Variants in LINGO2 observed in about 807,000 individuals in gnomAD.
The protein encoded by LINGO2 is leucine-rich repeat and immunoglobulin-like domain-containing nogo receptor-interacting protein 2.
In LINGO2, 14 loss-of-function variants were observed where a neutral mutation model predicts 30.6. The observed-to-expected ratio is 0.46, with a 90% CI of 0.30 to 0.72. The LOEUF is 0.72. Among genes scored for constraint, LINGO2 ranks in the 30% least tolerant of loss-of-function variants. The pLI, the probability that LINGO2 is intolerant of heterozygous loss-of-function variation, is 0.07. For synonymous variants in LINGO2, 317 were observed against 288.5 expected (o/e 1.10, Z -1.00); for missense variants, 729 against 751.7 (o/e 0.97, Z 0.35).
Position 28,433,945 on chromosome 9 carries a change from C to A in LINGO2, c.-279+41995G>T, listed in dbSNP as rs201162868. Among the ~76,000 whole-genome samples the A allele has an allele frequency of 1.2e-3, 70 of 57,270 alleles. 2 individuals are homozygous for A. Among genetic ancestry groups the A allele is most frequent in the African/African-American group, 1.9e-3 (43 of 22,412 alleles). The allele number at this position is 57,270 out of a possible 152,430, so 37.6% of individuals were successfully genotyped here. On this transcript the variant is annotated intron_variant, in intron 2 of 5. Coordinates refer to ENST00000379992, the Ensembl canonical transcript of LINGO2. ...TCTTTCTCTCTCTCTCTCTCTCTCTCTCTCTATATATATATATATATACAC... is the reference window on the plus strand; with the variant it reads ...TCTTTCTCTCTCTCTCTCTCTCTCTATCTCTATATATATATATATATACAC...
At chr9:28,034,638 G>T (rs1823844049) in intron 4 of LINGO2, among the ~76,000 whole-genome samples, 1 of 152,132 alleles carries the variant, frequency 6.6e-6, no homozygotes, top group African/African-American at 2.4e-5. Flanking sequence ...ATTCCATTCT[G>T]GCTTGGAGAA....
the LINGO2 span, among the ~76,000 whole-genome samples, chr9:28,941,895 A>G: frequency 9.2e-5 from 14 of 152,228 alleles, no homozygotes; most frequent in African/African-American, 3.1e-4. Flanking sequence ...AACAACAGGA[A>G]GATAAAGACA....
intron 4 of LINGO2, among the ~76,000 whole-genome samples, chr9:28,256,688 C>A (rs934131836): frequency 6.6e-6 from 1 of 151,728 alleles, no homozygotes; most frequent in African/African-American, 2.4e-5. Context: ...AAAGAACAAG[C>A]TTGACATGCT....
At chr9:28,828,686 C>T in the LINGO2 span, among the ~76,000 whole-genome samples, 1 of 151,822 alleles carries the variant, frequency 6.6e-6, no homozygotes, top group African/African-American at 2.4e-5. Flanking sequence ...TTATACAACT[C>T]TTAGCAGAAT....
chr9:28,461,520 A>G (rs1825081840), intron 2 of LINGO2, among the ~76,000 whole-genome samples: 1 of 152,214 alleles, frequency 6.6e-6, no homozygotes, highest in South Asian at 2.1e-4. Flanking sequence ...ACATGAAAAT[A>G]AAAAGAAATG....
chr9:28,966,201 A>G, the LINGO2 span, among the ~76,000 whole-genome samples: 1 of 152,156 alleles, frequency 6.6e-6, no homozygotes, highest in Non-Finnish European at 1.5e-5. Context: ...AGAGGCTGAA[A>G]AAACTGGCTA....
the LINGO2 span, among the ~76,000 whole-genome samples, chr9:29,059,287 G>A: frequency 1.3e-5 from 2 of 151,102 alleles, no homozygotes; most frequent in African/African-American, 2.4e-5. Flanking sequence ...AATGTATACG[G>A]AAATAAAAAG....
intron 2 of LINGO2, among the ~76,000 whole-genome samples, chr9:28,395,497 C>G (rs931569300): frequency 6.6e-6 from 1 of 150,760 alleles, no homozygotes; most frequent in Non-Finnish European, 1.5e-5. Flanking sequence ...GATATTGAAG[C>G]AAATATATGA....
At chr9:28,984,588 G>A in the LINGO2 span, among the ~76,000 whole-genome samples, 1 of 151,886 alleles carries the variant, frequency 6.6e-6, no homozygotes, top group African/African-American at 2.4e-5. Context: ...CAGGATAGGG[G>A]AAATAAAATG....
At chr9:28,037,513 A>T (rs1373045485) in intron 4 of LINGO2, among the ~76,000 whole-genome samples, 1 of 151,736 alleles carries the variant, frequency 6.6e-6, no homozygotes, top group East Asian at 1.9e-4. Context: ...AGTCTTAATT[A>T]CTCGTTCCTT....
At chr9:29,055,661 C>T in the LINGO2 span, among the ~76,000 whole-genome samples, 1 of 152,044 alleles carries the variant, frequency 6.6e-6, no homozygotes, top group Non-Finnish European at 1.5e-5. Flanking sequence ...GGTGCACCCA[C>T]CACCCAAGCA....
At chr9:28,433,324 TG>T (rs35888326) in intron 2 of LINGO2, among the ~76,000 whole-genome samples, 45,553 of 151,814 alleles carry the variant, frequency 0.3, 7,791 homozygotes, top group Non-Finnish European at 0.38. Context: ...AGCCACTGGG[TG>T]TACTCCAAAA....
the LINGO2 span, among the ~76,000 whole-genome samples, chr9:29,049,033 AC>A: frequency 6.6e-6 from 1 of 152,196 alleles, no homozygotes; most frequent in South Asian, 2.1e-4. Flanking sequence ...GACACAAGCC[AC>A]TGCATGAGAG....
chr9:28,393,360 A>C (rs1666429454), intron 2 of LINGO2, among the ~76,000 whole-genome samples: 1 of 152,210 alleles, frequency 6.6e-6, no homozygotes, highest in Admixed American at 6.5e-5. Flanking sequence ...AGCAGAGAAA[A>C]TTACATTATT....
chr9:28,721,579 T>C, the LINGO2 span, among the ~76,000 whole-genome samples: 1 of 152,122 alleles, frequency 6.6e-6, no homozygotes, highest in South Asian at 2.1e-4. Flanking sequence ...AAACACTGCA[T>C]GTTCTCACTC....
At chr9:28,657,986 C>T (rs146653849) in intron 1 of LINGO2, among the ~76,000 whole-genome samples, 27 of 152,118 alleles carry the variant, frequency 1.8e-4, no homozygotes, top group African/African-American at 6.3e-4. Flanking sequence ...CCAATTTCCT[C>T]TGTGACTCCT....
chr9:28,322,581 C>G (rs915752402), intron 3 of LINGO2, among the ~76,000 whole-genome samples: 1 of 152,090 alleles, frequency 6.6e-6, no homozygotes, highest in African/African-American at 2.4e-5. Flanking sequence ...AAGGAACTTG[C>G]ACATCAAACA....
At position 28,569,589 on chromosome 9, in the gene LINGO2, TAGAAAC is replaced by T. The variant is rs754547272; in HGVS notation, c.-364-93570_-364-93565del. On this transcript the variant is annotated intron_variant, in intron 1 of 5. Transcript: ENST00000379992. Reference sequence around the variant, plus strand: ...ATGAAACTTGAAAAAGTCAAAATCATAGAAACAGAGTATAATGATGGTTACCAGGGG... The same window carrying T: ...ATGAAACTTGAAAAAGTCAAAATCATAGAGTATAATGATGGTTACCAGGGG... Among the ~76,000 whole-genome samples, 61 of 130,868 alleles carry T rather than the reference TAGAAAC, an allele frequency of 4.7e-4. 1 individual carries two copies. The Middle Eastern group carries it at 0.013, about 28-fold the overall frequency. The allele number at this position is 130,868 out of a possible 152,430, so 85.9% of individuals were successfully genotyped here.
At chr9:29,180,736 T>C in the LINGO2 span, among the ~76,000 whole-genome samples, 1 of 152,162 alleles carries the variant, frequency 6.6e-6, no homozygotes, top group South Asian at 2.1e-4. Context: ...AAACATCTCG[T>C]TCATTTCTAT....
Sources: allele counts gnomAD v4.1 joint callset (sites outside exome capture counted in the v4.1 genomes callset), GRCh38; gene constraint gnomAD v4.1.1; transcripts MANE v1.5; gene names NCBI Gene and HGNC (gene_info 2026-07-23, HGNC 2026-07-21).